Variants in DNAJC27 observed in about 807,000 individuals in gnomAD.
The protein encoded by DNAJC27 is dnaJ homolog subfamily C member 27.
Under a neutral mutation model 31.4 loss-of-function variants are expected in DNAJC27, and 25 were observed. The observed-to-expected ratio is 0.80, with a 90% CI of 0.58 to 1.11. DNAJC27 has a LOEUF of 1.11. Ranked by LOEUF, DNAJC27 falls within the 50% of genes most tolerant of loss-of-function variation. The pLI, the probability that DNAJC27 is intolerant of heterozygous loss-of-function variation, is 0.00. For synonymous variants in DNAJC27, 106 were observed against 112.7 expected, an observed-to-expected ratio of 0.94 and a Z score of 0.37; for missense variants, 356 against 347.3, an observed-to-expected ratio of 1.02 and a Z score of -0.20.
intron 3 of DNAJC27, chr2:24,958,751 A>T (rs982476892): frequency 5.8e-6 from 1 of 173,094 alleles, no homozygotes; most frequent in Non-Finnish European, 1.3e-5. Flanking sequence ...TCTGGGCTTC[A>T]TTCCAAATGT....
At chr2:24,971,987 C>T (rs1480088577), upstream of DNAJC27, 3 of 1,004,138 alleles carry the variant, frequency 3.0e-6, no homozygotes, top group Non-Finnish European at 4.1e-6. Flanking sequence ...CGTCCAATGG[C>T]GGAGCCGCTG....
chr2:24,953,979 A>G (rs1041925123), intron 5 of DNAJC27, among the ~76,000 whole-genome samples: 2 of 152,186 alleles, frequency 1.3e-5, no homozygotes, highest in Non-Finnish European at 2.9e-5. Flanking sequence ...CGGCTCCCTG[A>G]GAGATAAGCC....
intron 5 of DNAJC27, chr2:24,953,584 CTTT>C: frequency 2.6e-6 from 1 of 380,876 alleles, no homozygotes; most frequent in Non-Finnish European, 3.6e-6. Context: ...TTCTTGTTAG[CTTT>C]TTTTTTTTAA....
chr2:24,965,484 G>A (rs1666158706), intron 2 of DNAJC27, among the ~76,000 whole-genome samples: 1 of 152,016 alleles, frequency 6.6e-6, no homozygotes, highest in Admixed American at 6.6e-5. Context: ...TCAAACTCCT[G>A]GCCTCAGGTG....
At chr2:24,950,858 A>AT (rs904284164) in intron 6 of DNAJC27, among the ~76,000 whole-genome samples, 15 of 136,322 alleles carry the variant, frequency 1.1e-4, no homozygotes, top group African/African-American at 4.3e-4. Context: ...AAAAATAAAA[A>AT]TAAAAAAAAA....
At chr2:24,953,809 T>G (rs1665839458) in intron 5 of DNAJC27, among the ~76,000 whole-genome samples, 1 of 152,304 alleles carries the variant, frequency 6.6e-6, no homozygotes, top group East Asian at 1.9e-4. Context: ...CAAGTCATAG[T>G]GTAGGCTATA....
At position 24,954,283 on chromosome 2, in the gene DNAJC27, G is replaced by C. The variant is rs553835757; in HGVS notation, c.529-2729C>G. On this transcript the variant is annotated intron_variant, in intron 5 of 6. Transcript: ENST00000264711. Reference sequence around the variant, plus strand: ...AAAACCAATATCCTGAGGTCTAGTGGTGCTAGAGAAGAGCTATCCTGGGAA... The same window carrying C: ...AAAACCAATATCCTGAGGTCTAGTGCTGCTAGAGAAGAGCTATCCTGGGAA... 1.9e-3 allele frequency among the ~76,000 whole-genome samples: 283 copies of C among 152,308 alleles called. 1 individual carries two copies. Among genetic ancestry groups the C allele is most frequent in the African/African-American group, 6.4e-3 (268 of 41,564 alleles).
intron 3 of DNAJC27, 188 bp downstream of exon 3, chr2:24,963,217 A>G (rs1666092211): frequency 2.4e-6 from 1 of 423,188 alleles, no homozygotes; most frequent in Non-Finnish European, 4.2e-6. Context: ...TCCTACCACT[A>G]TTTAACAGGA....
At chr2:24,961,299 G>C (rs1666034908) in intron 3 of DNAJC27, among the ~76,000 whole-genome samples, 1 of 152,014 alleles carries the variant, frequency 6.6e-6, no homozygotes, top group African/African-American at 2.4e-5. Flanking sequence ...TCAGAAAAAA[G>C]GATTCCTTTC....
chr2:24,969,607 T>G (rs1435950730), intron 1 of DNAJC27: 3 of 153,778 alleles, frequency 2.0e-5, no homozygotes, highest in Non-Finnish European at 4.3e-5. Flanking sequence ...GCTTCCTGAG[T>G]AGCTGGGACT....
chr2:24,971,708 G>C (rs906793745), intron 1 of DNAJC27, 110 bp downstream of exon 1: 10 of 931,626 alleles, frequency 1.1e-5, no homozygotes, highest in African/African-American at 1.7e-5. Flanking sequence ...GGGCCTGCTC[G>C]GGGGCGGAGA....
rs775834326 is a variant in DNAJC27 at position 24,967,286 on chromosome 2, A to T, written c.95T>A (p.Ile32Asn). 6.2e-7 allele frequency: 1 copy of T among 1,611,994 alleles called. No homozygotes were observed. The highest frequency in any genetic ancestry group is 8.5e-7 in the Non-Finnish European group (1 of 1,178,202). The change falls in exon 2 of 7, where the codon ATT becomes AAT. Residue 32 changes from isoleucine to asparagine, a missense_variant. Coordinates refer to ENST00000264711, the MANE Select transcript of DNAJC27 (RefSeq NM_016544.3). The part of the protein sequence containing the change: ...MGNAEVGKSC[I>N]IKRYCEKRFV... ...TCTTTTCTCACAGTATCGCTTTATAATACAGCTCTAAAAAGGTAAAAAATA... is the reference window on the plus strand; with the variant it reads ...TCTTTTCTCACAGTATCGCTTTATATTACAGCTCTAAAAAGGTAAAAAATA...
chr2:24,971,032 G>C (rs941348389), intron 1 of DNAJC27, among the ~76,000 whole-genome samples: 1 of 152,082 alleles, frequency 6.6e-6, no homozygotes, highest in South Asian at 2.1e-4. Context: ...ATCTTTCCTC[G>C]GTCACTGATT....
intron 5 of DNAJC27, among the ~76,000 whole-genome samples, chr2:24,955,272 T>C (rs1367283671): frequency 6.6e-6 from 1 of 152,174 alleles, no homozygotes; most frequent in Non-Finnish European, 1.5e-5. Flanking sequence ...GGGAACCAAA[T>C]GCAAATTCTA....
intron 2 of DNAJC27, among the ~76,000 whole-genome samples, chr2:24,965,347 C>T (rs901034654): frequency 3.3e-5 from 5 of 152,092 alleles, no homozygotes; most frequent in South Asian, 2.1e-4. Context: ...CCTCCGCCTC[C>T]GGGGTTCAAG....
chr2:24,971,874 G>A lies in DNAJC27; in HGVS notation c.31C>T (p.Pro11Ser). MEANMPKRKE[P>S]GRSLRIKVIS... Reference sequence around the variant, plus strand: ...ACTTTGATGCGGAGAGACCTGCCGGGCTCCTTCCGCTTCGGCATGTTGGCC... The same window carrying A: ...ACTTTGATGCGGAGAGACCTGCCGGACTCCTTCCGCTTCGGCATGTTGGCC... The change falls in exon 1 of 7, where the codon CCC (proline) becomes TCC (serine). Residue 11 changes from proline to serine, a missense_variant. Transcript: ENST00000264711. The A allele has an allele frequency of 3.7e-6, 6 of 1,606,558 alleles. No individual in the cohort carries two copies. The highest frequency in any genetic ancestry group is 5.1e-6 in the Non-Finnish European group (6 of 1,177,350).
intron 5 of DNAJC27, among the ~76,000 whole-genome samples, chr2:24,956,504 C>T (rs970173742): frequency 6.6e-6 from 1 of 152,094 alleles, no homozygotes; most frequent in African/African-American, 2.4e-5. Flanking sequence ...TGACAGTCTC[C>T]TATTCTCTAA....
intron 1 of DNAJC27, among the ~76,000 whole-genome samples, chr2:24,970,578 C>G (rs976244731): frequency 2.0e-5 from 3 of 151,556 alleles, no homozygotes; most frequent in Non-Finnish European, 4.4e-5. Flanking sequence ...GATTCTCCCG[C>G]CTCGGCCTCC....
In DNAJC27 at chr2:24,946,709, T is replaced by C. The variant is rs979351446; in HGVS notation, c.*907A>G. 1.3e-5 allele frequency: 2 copies of C among 151,942 alleles called. No homozygotes were observed. Among genetic ancestry groups the C allele is most frequent in the African/African-American group, 4.8e-5 (2 of 41,342 alleles). The allele number at this position is 151,942 out of a possible 1,614,324, so 9.4% of individuals were successfully genotyped here. On this transcript the variant is annotated 3_prime_UTR_variant, in exon 7 of 7. Transcript: ENST00000264711. ...TTTTCTTTAAGAGACAAGATCTTACTATGTTGCCCAGGTGGGACTTGAGCT... is the reference window on the plus strand; with the variant it reads ...TTTTCTTTAAGAGACAAGATCTTACCATGTTGCCCAGGTGGGACTTGAGCT...
Sources: gnomAD v4.1 joint callset for allele counts (sites outside exome capture counted in the v4.1 genomes callset) on GRCh38, gnomAD v4.1.1 for gene constraint, MANE v1.5 for transcripts, NCBI Gene and HGNC (gene_info 2026-07-23, HGNC 2026-07-21) for gene names.